UBXN8: variants seen among roughly 807,000 people sequenced by gnomAD.
The protein encoded by UBXN8 is UBX domain protein 8, also known as UBX domain-containing protein 8.
Under a neutral mutation model 32.1 loss-of-function variants are expected in UBXN8, and 27 were observed. The ratio of observed to expected loss-of-function variants is 0.84; its 90% CI spans 0.62 to 1.16. UBXN8 has a LOEUF of 1.16. Among genes scored for constraint, UBXN8 ranks in the 50% most tolerant of loss-of-function variants. UBXN8 has a pLI of 0.00. For synonymous variants in UBXN8, 109 were observed against 111.8 expected (o/e 0.98, Z 0.16); for missense variants, 306 against 311.4 (o/e 0.98, Z 0.13).
Position 30,754,788 on chromosome 8 carries a change from G to A in UBXN8, c.405+1G>A. ...ATTAAGCAGTGGTCACAAACTTGGG[G>A]TTGGAAAATATTCTCATTTTATATT... On this transcript the variant is annotated splice_donor_variant, in intron 4 of 7. Coordinates refer to ENST00000265616, the MANE Select transcript of UBXN8 (RefSeq NM_005671.4). LOFTEE classifies it high-confidence loss of function. 4 of 1,552,114 alleles carry A rather than the reference G, an allele frequency of 2.6e-6. No individual in the cohort carries two copies. The highest frequency in any genetic ancestry group is 3.4e-6 in the Non-Finnish European group (4 of 1,160,746).
chr8:30,734,248 A>C (rs1262470995), intron 1 of UBXN8: 2 of 152,216 alleles, frequency 1.3e-5, no homozygotes, highest in Non-Finnish European at 2.9e-5. Context: ...TTCTGATTAC[A>C]AAATTTAAGG....
At chr8:30,743,228 C>T (rs1301957901), upstream of UBXN8, among the ~76,000 whole-genome samples, 2 of 149,530 alleles carry the variant, frequency 1.3e-5, no homozygotes, top group African/African-American at 5.0e-5. Context: ...GCAAACTCGG[C>T]TCAAAGCAAC....
upstream of UBXN8, among the ~76,000 whole-genome samples, chr8:30,730,972 G>C (rs758338343): frequency 2.0e-5 from 3 of 152,218 alleles, no homozygotes; most frequent in Non-Finnish European, 2.9e-5. Context: ...GCGAAATGCC[G>C]AGCTGTTAGC....
chr8:30,762,551 C>T (rs1473738873), intron 6 of UBXN8, among the ~76,000 whole-genome samples: 1 of 152,014 alleles, frequency 6.6e-6, no homozygotes, highest in Non-Finnish European at 1.5e-5. Context: ...CGCCACAATG[C>T]CTGGCTAATA....
chr8:30,759,592 A>G (rs761587061), intron 5 of UBXN8, among the ~76,000 whole-genome samples: 3 of 151,998 alleles, frequency 2.0e-5, no homozygotes, highest in Non-Finnish European at 4.4e-5. Flanking sequence ...AAATGACAAA[A>G]GCAACCAAAG....
upstream of UBXN8, among the ~76,000 whole-genome samples, chr8:30,742,637 C>G (rs1042827834): frequency 1.3e-5 from 2 of 151,616 alleles, no homozygotes; most frequent in African/African-American, 2.4e-5. Context: ...CTACCGCGCC[C>G]GGCCTCAAGC....
chr8:30,754,390 TC>T, intron 3 of UBXN8: 2 of 533,698 alleles, frequency 3.7e-6, no homozygotes, highest in Non-Finnish European at 3.7e-6. Context: ...AAGTAGATCC[TC>T]CCATTCTCTC....
intron 1 of UBXN8, among the ~76,000 whole-genome samples, chr8:30,747,029 C>T (rs1338299096): frequency 7.2e-6 from 1 of 138,256 alleles, no homozygotes; most frequent in African/African-American, 2.8e-5. Context: ...GTGGCGCACG[C>T]CTGTAGTCCC....
In UBXN8 at chr8:30,744,193, G is replaced by T; in HGVS notation, c.4G>T (p.Ala2Ser). 6.2e-7 allele frequency: 1 copy of T among 1,613,046 alleles called. No homozygotes were observed. The highest frequency in any genetic ancestry group is 8.5e-7 in the Non-Finnish European group (1 of 1,179,552). The change falls in exon 1 of 8, where the codon GCT (alanine) becomes TCT (serine). Residue 2 changes from alanine (A) to serine (S), a missense_variant. Physicochemically the swap from Ala to Ser is moderately conservative, Grantham distance 99. Coordinates refer to ENST00000265616, the MANE Select transcript of UBXN8 (RefSeq NM_005671.4). M[A>S]SRGVVGIFFL... ...TGCACCAGGCGCTTCCGCCACCATG[G>T]CTTCACGTGGGGTTGTTGGCATTTT...
chr8:30,741,454 CTT>C (rs565066061), upstream of UBXN8, among the ~76,000 whole-genome samples: 13 of 116,694 alleles, frequency 1.1e-4, no homozygotes, highest in Admixed American at 9.3e-5. Flanking sequence ...AAGCAATGTT[CTT>C]TTTTTTTTTT....
chr8:30,740,795 T>C (rs1805182203), upstream of UBXN8, among the ~76,000 whole-genome samples: 1 of 152,076 alleles, frequency 6.6e-6, no homozygotes, highest in South Asian at 2.1e-4. Context: ...TAAATCAACC[T>C]GATTTTACTG....
At chr8:30,744,088 C>T (rs1214596330), upstream of UBXN8, 2 of 993,732 alleles carry the variant, frequency 2.0e-6, no homozygotes, top group Admixed American at 4.9e-5. Context: ...ACGTTATTGA[C>T]CCTCTCCCAG....
chr8:30,765,005 G>A (rs562480013), intron 7 of UBXN8, among the ~76,000 whole-genome samples: 14 of 152,310 alleles, frequency 9.2e-5, no homozygotes, highest in Admixed American at 6.5e-5. Context: ...AGCCAAGATC[G>A]TGCCACTGCA....
At position 30,767,002 on chromosome 8, in the gene UBXN8, T is replaced by A. The variant is rs1239784912; in HGVS notation, c.*608T>A. 1 of 152,224 alleles carries A rather than the reference T, an allele frequency of 6.6e-6. No homozygotes were observed. The highest frequency in any genetic ancestry group is 2.4e-5 in the African/African-American group (1 of 41,464). The allele number at this position is 152,224 out of a possible 1,614,324, so 9.4% of individuals were successfully genotyped here. ...AAGCATTAAAATATAGGTGAATTTT[T>A]AAAACTGTATCTATCTCATCATTTC... On this transcript the variant is annotated 3_prime_UTR_variant, in exon 8 of 8. Coordinates refer to ENST00000265616, the MANE Select transcript of UBXN8 (RefSeq NM_005671.4).
Position 30,766,621 on chromosome 8 carries a change from G to T in UBXN8, c.*227G>T. ...TACCAAATGAGAATGAGGTTGAAAT[G>T]TATGCAGTAAGGTACTCAGTAATTA... On this transcript the variant is annotated 3_prime_UTR_variant, in exon 8 of 8. Transcript: ENST00000265616. 3.5e-6 allele frequency: 1 copy of T among 288,572 alleles called. No homozygotes were observed. The highest frequency in any genetic ancestry group is 9.7e-5 in the South Asian group (1 of 10,328). 17.9% of individuals were successfully genotyped at this position (288,572 alleles called of 1,614,324 possible). A position where few individuals can be genotyped will look rare whatever the true frequency, so the allele number is the denominator to read the frequency against.
intron 1 of UBXN8, among the ~76,000 whole-genome samples, chr8:30,747,438 C>G (rs1447717771): frequency 7.4e-6 from 1 of 135,260 alleles, no homozygotes; most frequent in East Asian, 2.2e-4. Context: ...AGCCTCCCAA[C>G]TAGCTGGGAT....
At chr8:30,747,894 C>CTTTTT (rs67334347) in intron 1 of UBXN8, among the ~76,000 whole-genome samples, 14 of 35,634 alleles carry the variant, frequency 3.9e-4, no homozygotes, top group South Asian at 1.2e-3. Flanking sequence ...TATATTTTTT[C>CTTTTT]TTTTTTTTTT....
intron 1 of UBXN8, among the ~76,000 whole-genome samples, chr8:30,750,130 T>C (rs998824438): frequency 3.6e-4 from 55 of 152,112 alleles, no homozygotes; most frequent in African/African-American, 1.3e-3. Flanking sequence ...GTAAACCCTC[T>C]GTATCCCTGA....
chr8:30,735,821 A>G (rs1430824561), intron 1 of UBXN8, among the ~76,000 whole-genome samples: 6 of 152,266 alleles, frequency 3.9e-5, no homozygotes, highest in African/African-American at 1.4e-4. Flanking sequence ...CCTGGGGGAC[A>G]GAGTGAGACT....
Sources: gnomAD v4.1 joint callset for allele counts (sites outside exome capture counted in the v4.1 genomes callset) on GRCh38, gnomAD v4.1.1 for gene constraint, MANE v1.5 for transcripts, NCBI Gene and HGNC (gene_info 2026-07-23, HGNC 2026-07-21) for gene names.